RIMS2: variants seen among roughly 807,000 people sequenced by gnomAD.
RIMS2 encodes regulating synaptic membrane exocytosis 2.
RIMS2 carries 59 observed loss-of-function variants against 174.4 expected under a neutral mutation model. That is an observed-to-expected ratio of 0.34 (90% CI 0.27 to 0.42). The LOEUF is 0.42. RIMS2 is among the 10% of genes least tolerant of loss of function. The probability of loss-of-function intolerance (pLI) is 1.00; values close to 1 mark genes in which losing one functional copy is unlikely to be tolerated. For synonymous variants in RIMS2, 606 were observed against 572.5 expected (o/e 1.06, Z -0.84); for missense variants, 1,620 against 1,666.3 (o/e 0.97, Z 0.48).
intron 1 of RIMS2, among the ~76,000 whole-genome samples, chr8:103,531,890 C>T (rs1837341683): frequency 6.6e-6 from 1 of 152,130 alleles, no homozygotes; most frequent in Non-Finnish European, 1.5e-5. Flanking sequence ...TTAACACTAT[C>T]TCAGCAGACT....
chr8:103,820,794 A>T (rs1298214543), intron 3 of RIMS2, among the ~76,000 whole-genome samples: 1 of 151,808 alleles, frequency 6.6e-6, no homozygotes, highest in Non-Finnish European at 1.5e-5. Context: ...TAAAAACATC[A>T]AACAGTATAT....
At chr8:104,078,394 A>C (rs2097341714) in intron 19 of RIMS2, among the ~76,000 whole-genome samples, 1 of 152,190 alleles carries the variant, frequency 6.6e-6, no homozygotes, top group African/African-American at 2.4e-5. Flanking sequence ...GGTGTTGGCT[A>C]GGCTGGCTCC....
At chr8:104,204,896 T>C (rs1229225607) in intron 19 of RIMS2, among the ~76,000 whole-genome samples, 1 of 152,140 alleles carries the variant, frequency 6.6e-6, no homozygotes, top group Non-Finnish European at 1.5e-5. Flanking sequence ...AATAAGAATA[T>C]CTCTGAAAGA....
intron 1 of RIMS2, among the ~76,000 whole-genome samples, chr8:103,681,379 C>T (rs1419494359): frequency 6.6e-6 from 1 of 151,836 alleles, no homozygotes; most frequent in Non-Finnish European, 1.5e-5. Flanking sequence ...GGCACACATG[C>T]CATATATGTA....
At chr8:103,914,676 C>A (rs1358768263) in intron 6 of RIMS2, among the ~76,000 whole-genome samples, 1 of 151,782 alleles carries the variant, frequency 6.6e-6, no homozygotes, top group East Asian at 1.9e-4. Context: ...TAAGATACAC[C>A]CCGTGATTTT....
chr8:103,881,236 C>T (rs2099166043), intron 3 of RIMS2, among the ~76,000 whole-genome samples: 1 of 151,392 alleles, frequency 6.6e-6, no homozygotes, highest in South Asian at 2.1e-4. Context: ...TTGCATATTT[C>T]TACAGTTGAG....
intron 10 of RIMS2, 66 bp downstream of exon 13, chr8:103,921,850 T>A: frequency 1.5e-6 from 1 of 660,352 alleles, no homozygotes; most frequent in Non-Finnish European, 2.7e-6. Flanking sequence ...ATATGATGCT[T>A]GTTTTTTACA....
intron 19 of RIMS2, among the ~76,000 whole-genome samples, chr8:104,109,025 G>T (rs2098127495): frequency 6.6e-6 from 1 of 151,930 alleles, no homozygotes; most frequent in Non-Finnish European, 1.5e-5. Flanking sequence ...TTTAGTATAA[G>T]AAATAATGCT....
At chr8:103,991,730 G>A (rs938829719) in intron 17 of RIMS2, among the ~76,000 whole-genome samples, 8 of 152,130 alleles carry the variant, frequency 5.3e-5, no homozygotes, top group African/African-American at 1.7e-4. Context: ...TTTATTGAAT[G>A]TATATATTTT....
chr8:103,508,947 G>A (rs1825115190), intron 1 of RIMS2, among the ~76,000 whole-genome samples: 1 of 151,930 alleles, frequency 6.6e-6, no homozygotes, highest in Non-Finnish European at 1.5e-5. Flanking sequence ...ATATATATCT[G>A]CCTGTATCTG....
At chr8:104,098,277 A>T (rs2097796409) in intron 19 of RIMS2, among the ~76,000 whole-genome samples, 3 of 152,160 alleles carry the variant, frequency 2.0e-5, no homozygotes, top group Admixed American at 1.3e-4. Context: ...GAAATTAAAC[A>T]TGTTAAAATT....
Position 103,936,469 on chromosome 8 carries a change from C to T in RIMS2, c.2376-82C>T, listed in dbSNP as rs946091621. On this transcript the variant is annotated intron_variant, in intron 12 of 23. Transcript: ENST00000504942. ...TGGTAAAACTTCACCTGACTTGTCT[C>T]CTGAGAAATTTTAAATTAAAAAATT... 9.9e-6 allele frequency: 8 copies of T among 805,164 alleles called. No homozygotes were observed. In the Admixed American group the frequency reaches 1.7e-4, roughly 17 times the overall value. 49.9% of individuals were successfully genotyped at this position (805,164 alleles called of 1,614,324 possible). A position where few individuals can be genotyped will look rare whatever the true frequency, so the allele number is the denominator to read the frequency against.
intron 19 of RIMS2, among the ~76,000 whole-genome samples, chr8:104,160,035 A>G (rs1299248714): frequency 6.6e-6 from 1 of 152,006 alleles, no homozygotes; most frequent in Non-Finnish European, 1.5e-5. Flanking sequence ...GCTACTTGGG[A>G]GGCTGAGGCG....
intron 19 of RIMS2, among the ~76,000 whole-genome samples, chr8:104,154,015 A>C (rs2098706178): frequency 6.6e-6 from 1 of 152,222 alleles, no homozygotes; most frequent in Admixed American, 6.5e-5. Context: ...GAGGTGAGTT[A>C]GAGTCAGTGA....
chr8:104,046,621 ATCT>A (rs2096700474), intron 19 of RIMS2, among the ~76,000 whole-genome samples: 1 of 152,048 alleles, frequency 6.6e-6, no homozygotes, highest in African/African-American at 2.4e-5. Context: ...ATTTTCCAAA[ATCT>A]TCATTATTAT....
intron 2 of RIMS2, among the ~76,000 whole-genome samples, chr8:103,758,397 G>A (rs1459010523): frequency 2.0e-5 from 3 of 152,226 alleles, no homozygotes; most frequent in Admixed American, 6.5e-5. Flanking sequence ...CAAGTCTGTG[G>A]AGGCTTTGTT....
At chr8:103,936,515 C>T in intron 12 of RIMS2, 36 bp from the exon 15 acceptor site, 1 of 1,356,450 alleles carries the variant, frequency 7.4e-7, no homozygotes, top group Non-Finnish European at 1.0e-6. Context: ...ACTTATAGTT[C>T]TATGTAAGTT....
At chr8:103,725,634 T>C (rs1175199027) in intron 2 of RIMS2, among the ~76,000 whole-genome samples, 1 of 152,208 alleles carries the variant, frequency 6.6e-6, no homozygotes, top group Non-Finnish European at 1.5e-5. Context: ...GCAGGACATA[T>C]GGATTGCTTC....
chr8:103,529,247 C>T (rs145574166), intron 1 of RIMS2, among the ~76,000 whole-genome samples: 18,886 of 152,072 alleles, frequency 0.12, 1,269 homozygotes, highest in Middle Eastern at 0.23. Flanking sequence ...ATTTTTGTAT[C>T]CTGAGACTTT....
Sources: allele counts gnomAD v4.1 joint callset (sites outside exome capture counted in the v4.1 genomes callset), GRCh38; gene constraint gnomAD v4.1.1; transcripts MANE v1.5; gene names NCBI Gene and HGNC (gene_info 2026-07-23, HGNC 2026-07-21).